ANKRD62: variants seen among roughly 807,000 people sequenced by gnomAD.
ANKRD62 encodes ankyrin repeat domain-containing protein 62.
Under a neutral mutation model 98.8 loss-of-function variants are expected in ANKRD62, and 61 were observed. The ratio of observed to expected loss-of-function variants is 0.62; its 90% confidence interval spans 0.50 to 0.76. The LOEUF is 0.76. Ranked by LOEUF, ANKRD62 falls within the 30% of genes least tolerant of loss-of-function variation. ANKRD62 has a pLI of 0.00. For synonymous variants in ANKRD62, 341 were observed against 367.9 expected (o/e 0.93, Z 0.84); for missense variants, 933 against 1,082.9 (o/e 0.86, Z 1.94).
Position 12,126,075 on chromosome 18 carries a change from G to T in ANKRD62, c.2254G>T (p.Glu752Ter). Residue 752 changes from glutamate (E) to a stop codon, truncating the protein, a stop_gained, in exon 13 of 14, where the codon GAA (glutamate) becomes TAA (stop). Transcript: ENST00000587848. LOFTEE classifies it high-confidence loss of function. ...AACACAGCGTCGATTGGAGGACATTGAACACATGTACCAAAATGACCAACC... is the reference window on the plus strand; with the variant it reads ...AACACAGCGTCGATTGGAGGACATTTAACACATGTACCAAAATGACCAACC... The part of the protein sequence containing the change: ...SRTQRRLEDI[E>*]HMYQNDQPIL... 1 of 1,536,104 alleles carries T rather than the reference G, an allele frequency of 6.5e-7. No homozygotes were observed. Among genetic ancestry groups the T allele is most frequent in the South Asian group, 1.2e-5 (1 of 84,044 alleles).
At chr18:12,123,315 A>G (rs1285062063) in intron 11 of ANKRD62, among the ~76,000 whole-genome samples, 1 of 152,066 alleles carries the variant, frequency 6.6e-6, no homozygotes, top group Non-Finnish European at 1.5e-5. Flanking sequence ...TGGGCTCCCA[A>G]AGTTCTGGGA....
intron 5 of ANKRD62, 93 bp downstream of exon 5, chr18:12,097,870 G>T (rs766820515): frequency 4.6e-5 from 67 of 1,447,260 alleles, no homozygotes; most frequent in Non-Finnish European, 5.3e-5. Flanking sequence ...TCATAGTTTG[G>T]TTCAGGTAGT....
At chr18:12,164,329 G>C in the ANKRD62 span, among the ~76,000 whole-genome samples, 2 of 151,950 alleles carry the variant, frequency 1.3e-5, no homozygotes, top group East Asian at 3.9e-4. Flanking sequence ...AGTTTCTGTA[G>C]TATTAGTTGT....
rs1909873863 is a variant in ANKRD62, at chr18:12,125,681, G to A, written c.1860G>A (p.Arg620=). 5 of 1,537,520 alleles carry A rather than the reference G, an allele frequency of 3.3e-6. No homozygotes were observed. Among genetic ancestry groups the A allele is most frequent in the Non-Finnish European group, 4.4e-6 (5 of 1,146,622 alleles). The change falls in exon 13 of 14, where the codon CGG becomes CGA. Residue 620 remains arginine, a synonymous_variant. Coordinates refer to ENST00000587848, the MANE Select transcript of ANKRD62 (RefSeq NM_001277333.2). ...NEEALTKTIT[R]YSKELNVLMD... ...AAGCATTAACAAAAACAATAACCCGGTATAGTAAAGAGCTTAATGTTCTGA... is the reference window on the plus strand; with the variant it reads ...AAGCATTAACAAAAACAATAACCCGATATAGTAAAGAGCTTAATGTTCTGA...
At position 12,126,174 on chromosome 18, in the gene ANKRD62, T is replaced by C; in HGVS notation, c.2353T>C (p.Leu785=). 6.5e-7 allele frequency: 1 copy of C among 1,536,108 alleles called. No homozygotes were observed. The highest frequency in any genetic ancestry group is 8.7e-7 in the Non-Finnish European group (1 of 1,146,840). ...ATTTCAACTACAAAGCCAAAATCTGTTGTATCAACAGCAGTGTAATGATGC... is the reference window on the plus strand; with the variant it reads ...ATTTCAACTACAAAGCCAAAATCTGCTGTATCAACAGCAGTGTAATGATGC... ...GLFQLQSQNL[L]YQQQCNDARK... Residue 785 remains leucine, a synonymous_variant, in exon 13 of 14, where the codon TTG becomes CTG. Coordinates refer to ENST00000587848, the MANE Select transcript of ANKRD62 (RefSeq NM_001277333.2).
intron 10 of ANKRD62, among the ~76,000 whole-genome samples, chr18:12,119,312 A>G (rs116198202): frequency 0.012 from 1,776 of 149,364 alleles, 17 homozygotes; most frequent in African/African-American, 0.019. Flanking sequence ...ACATTTATCA[A>G]TCTCCCAAAG....
At chr18:12,101,453 A>G (rs2143899019) in intron 6 of ANKRD62, among the ~76,000 whole-genome samples, 1 of 152,306 alleles carries the variant, frequency 6.6e-6, no homozygotes, top group South Asian at 2.1e-4. Flanking sequence ...AAGATTTAGA[A>G]ATTCATAATG....
intron 8 of ANKRD62, among the ~76,000 whole-genome samples, chr18:12,112,132 A>C (rs1598734257): frequency 6.6e-6 from 1 of 151,492 alleles, no homozygotes; most frequent in East Asian, 1.9e-4. Flanking sequence ...AAAAAAAAAA[A>C]AGTCATACTG....
chr18:12,096,381 A>G, intron 4 of ANKRD62, 79 bp downstream of exon 4: 2 of 758,006 alleles, frequency 2.6e-6, no homozygotes, highest in Admixed American at 6.7e-5. Context: ...CAGAAATATT[A>G]AATTGATAAG....
chr18:12,179,687 C>T, the ANKRD62 span, among the ~76,000 whole-genome samples: 2 of 150,010 alleles, frequency 1.3e-5, no homozygotes, highest in South Asian at 2.1e-4. Context: ...TGTAGGATAC[C>T]CAAACAACCT....
At chr18:12,127,470 T>A (rs1180401843) in intron 13 of ANKRD62, among the ~76,000 whole-genome samples, 7 of 152,236 alleles carry the variant, frequency 4.6e-5, no homozygotes, top group African/African-American at 1.7e-4. Context: ...ACATACCTGT[T>A]TCTTTTTGAG....
At chr18:12,172,554 A>G in the ANKRD62 span, among the ~76,000 whole-genome samples, 30 of 152,156 alleles carry the variant, frequency 2.0e-4, no homozygotes, top group African/African-American at 6.3e-4. Context: ...GTGCCTCTCA[A>G]TTAGGCTACT....
chr18:12,102,052 C>T, intron 6 of ANKRD62: 1 of 1,399,618 alleles, frequency 7.1e-7, no homozygotes. Context: ...GTTGAAATAG[C>T]AAAGCCCAGC....
chr18:12,122,030 G>A (rs1478225387), intron 10 of ANKRD62, among the ~76,000 whole-genome samples: 1 of 152,146 alleles, frequency 6.6e-6, no homozygotes, highest in Admixed American at 6.5e-5. Flanking sequence ...CCTCTTACGT[G>A]ACTAAAACAG....
chr18:12,167,216 G>A, the ANKRD62 span, among the ~76,000 whole-genome samples: 3 of 151,728 alleles, frequency 2.0e-5, no homozygotes, highest in South Asian at 2.1e-4. Context: ...TACATGTGCC[G>A]TGTTGGTTTG....
chr18:12,135,928 A>T, the ANKRD62 span, among the ~76,000 whole-genome samples: 2 of 152,036 alleles, frequency 1.3e-5, no homozygotes, highest in Non-Finnish European at 2.9e-5. Context: ...AGTTCTTTGT[A>T]GATTCTGGAT....
intron 10 of ANKRD62, 150 bp downstream of exon 10, chr18:12,115,684 C>G (rs1909649122): frequency 1.4e-6 from 1 of 718,810 alleles, no homozygotes; most frequent in Non-Finnish European, 2.1e-6. Context: ...GAGAACTACT[C>G]TATCTTGTAT....
At chr18:12,163,585 C>G in the ANKRD62 span, among the ~76,000 whole-genome samples, 1 of 152,104 alleles carries the variant, frequency 6.6e-6, no homozygotes, top group African/African-American at 2.4e-5. Context: ...CTGCCATGTT[C>G]CACATCTTAG....
intron 3 of ANKRD62, among the ~76,000 whole-genome samples, chr18:12,095,959 CT>C (rs2143891675): frequency 6.6e-6 from 1 of 152,278 alleles, no homozygotes; most frequent in African/African-American, 2.4e-5. Context: ...GCGGTTATCC[CT>C]TTATGTGAGG....
Sources: gnomAD v4.1 joint callset for allele counts (sites outside exome capture counted in the v4.1 genomes callset) on GRCh38, gnomAD v4.1.1 for gene constraint, MANE v1.5 for transcripts, NCBI Gene and HGNC (gene_info 2026-07-23, HGNC 2026-07-21) for gene names.